The following ZBTB16 variants were observed in gnomAD, a reference collection of about 807,000 sequenced individuals.
ZBTB16 encodes zinc finger and BTB domain containing 16.
Under a neutral mutation model 56.8 loss-of-function variants are expected in ZBTB16, and 8 were observed. The ratio of observed to expected loss-of-function variants is 0.14; its 90% CI spans 0.08 to 0.25. ZBTB16 has a LOEUF of 0.25. Among genes scored for constraint, ZBTB16 ranks in the 10% least tolerant of loss-of-function variants. The pLI is 1.00. For synonymous variants in ZBTB16, 363 were observed against 368.5 expected (o/e 0.98, Z 0.17); for missense variants, 625 against 903.0 (o/e 0.69, Z 3.95).
intron 2 of ZBTB16, among the ~76,000 whole-genome samples, chr11:114,136,292 T>C (rs1941796089): frequency 6.6e-6 from 1 of 152,170 alleles, no homozygotes; most frequent in Non-Finnish European, 1.5e-5. Flanking sequence ...CCCCCACTGT[T>C]TGGGGGCTGA....
chr11:114,101,081 A>G (rs1940592928), intron 2 of ZBTB16, among the ~76,000 whole-genome samples: 1 of 152,046 alleles, frequency 6.6e-6, no homozygotes, highest in Non-Finnish European at 1.5e-5. Context: ...GCTCACTGCA[A>G]CCTTGCTTGC....
At chr11:114,161,192 A>G (rs1384804080) in intron 3 of ZBTB16, among the ~76,000 whole-genome samples, 8 of 152,116 alleles carry the variant, frequency 5.3e-5, no homozygotes, top group Admixed American at 5.2e-4. Flanking sequence ...AAGGTTTCCC[A>G]TTAGGTAGAT....
rs573950918 is a variant in ZBTB16 at position 114,135,602 on chromosome 11, C to T, written c.1269-20735C>T. On this transcript the variant is annotated intron_variant, in intron 2 of 6. Coordinates refer to ENST00000335953, the MANE Select transcript of ZBTB16 (RefSeq NM_006006.6). Reference sequence around the variant, plus strand: ...GTAGGGGGACAGTCTCTCCTTGACCCTCCAGAAGCCACAAAGCCCTGCCAG... The same window carrying T: ...GTAGGGGGACAGTCTCTCCTTGACCTTCCAGAAGCCACAAAGCCCTGCCAG... Among the ~76,000 whole-genome samples, 3 of 152,280 alleles carry T rather than the reference C, an allele frequency of 2.0e-5. No homozygotes were observed. The East Asian group carries it at 5.8e-4, about 29-fold the overall frequency.
intron 2 of ZBTB16, among the ~76,000 whole-genome samples, chr11:114,077,615 G>A (rs929045748): frequency 5.3e-5 from 8 of 152,158 alleles, no homozygotes; most frequent in South Asian, 2.1e-4. Flanking sequence ...AACGGCTGTT[G>A]CGCAGAGGAG....
At chr11:114,175,812 AT>A (rs1334853602) in intron 3 of ZBTB16, among the ~76,000 whole-genome samples, 6 of 152,000 alleles carry the variant, frequency 3.9e-5, no homozygotes, top group Non-Finnish European at 8.8e-5. Context: ...GAGGTATGTC[AT>A]TTGGCAGGAG....
intron 3 of ZBTB16, among the ~76,000 whole-genome samples, chr11:114,166,201 CGTGTGTGTGT>C (rs3057730): frequency 0.019 from 2,544 of 134,142 alleles, 39 homozygotes; most frequent in African/African-American, 0.043. Flanking sequence ...GACTGGTCTA[CGTGTGTGTGT>C]GTGTGTGTGT....
chr11:114,155,415 G>A (rs756548232), intron 2 of ZBTB16, among the ~76,000 whole-genome samples: 2 of 152,168 alleles, frequency 1.3e-5, no homozygotes, highest in Non-Finnish European at 2.9e-5. Flanking sequence ...ACCAGCTCCC[G>A]TGCTGGCTCG....
chr11:114,087,494 C>T (rs1303107864), intron 2 of ZBTB16, among the ~76,000 whole-genome samples: 1 of 152,206 alleles, frequency 6.6e-6, no homozygotes, highest in Admixed American at 6.5e-5. Context: ...CTGCCCTCTT[C>T]CCAGGCACCC....
At chr11:114,234,808 G>GCTTGCCTCTGCCTCTCTTTCTCT (rs1189321896) in intron 4 of ZBTB16, among the ~76,000 whole-genome samples, 2 of 152,210 alleles carry the variant, frequency 1.3e-5, no homozygotes, top group African/African-American at 4.8e-5. Flanking sequence ...GCCTGATGCT[G>GCTTGCCTCTGCCTCTCTTTCTCT]CTTGCCTCTG....
At position 114,064,557 on chromosome 11, in the gene ZBTB16, G is replaced by A; in HGVS notation, c.1257G>A (p.Val419=). 2 of 1,613,876 alleles carry A rather than the reference G, an allele frequency of 1.2e-6. No individual in the cohort carries two copies. The highest frequency in any genetic ancestry group is 1.7e-6 in the Non-Finnish European group (2 of 1,180,028). The change falls in exon 2 of 7, where the codon GTG becomes GTA. Residue 419 remains valine, a synonymous_variant. Coordinates refer to ENST00000335953, the MANE Select transcript of ZBTB16 (RefSeq NM_006006.6). The surrounding 1 kb of genome is among the most constrained non-coding windows in gnomAD (Gnocchi z 4.2). ...TCGAGCTTCCTGATAACGAGGCTGT[G>A]GAGCAGCACAGGTAGGCCCCGCTCC... is the stretch of plus-strand genomic sequence containing the variant. The part of the protein sequence containing the change: ...CGVELPDNEA[V]EQHRKLHSGM...
At position 114,064,359 on chromosome 11, in the gene ZBTB16, C is replaced by T. The variant is rs2137655395; in HGVS notation, c.1059C>T (p.Thr353=). 6.2e-7 allele frequency: 1 copy of T among 1,614,058 alleles called. No individual in the cohort carries two copies. The highest frequency in any genetic ancestry group is 1.3e-5 in the African/African-American group (1 of 75,058). The change falls in exon 2 of 7, where the codon ACC becomes ACT. Residue 353 remains threonine, a synonymous_variant. Coordinates refer to ENST00000335953, the MANE Select transcript of ZBTB16 (RefSeq NM_006006.6). The surrounding 1 kb of genome is among the most constrained non-coding windows in gnomAD (Gnocchi z 4.2). ...DAVLSMPSSV[T]SGLHVQPALA... is the part of the protein sequence containing the mutation. Reference sequence around the variant, plus strand: ...TATTGAGCATGCCGTCTTCCGTGACCTCTGGCCTCCACGTGCAGCCTGCCC... The same window carrying T: ...TATTGAGCATGCCGTCTTCCGTGACTTCTGGCCTCCACGTGCAGCCTGCCC...
intron 4 of ZBTB16, among the ~76,000 whole-genome samples, chr11:114,208,502 T>TAA (rs1349393300): frequency 2.6e-4 from 40 of 152,140 alleles, no homozygotes; most frequent in African/African-American, 8.7e-4. Context: ...CAGGGTAGGG[T>TAA]CTTTGCAAGC....
intron 3 of ZBTB16, among the ~76,000 whole-genome samples, chr11:114,162,888 T>C (rs1219953748): frequency 2.0e-5 from 3 of 152,122 alleles, no homozygotes; most frequent in African/African-American, 7.2e-5. Context: ...TCTCTCTCTC[T>C]CCCTACTCTG....
Position 114,252,692 on chromosome 11 carries a change from T to G in ZBTB16, c.*2137T>G, listed in dbSNP as rs1004488860. 6.6e-6 allele frequency among the ~76,000 whole-genome samples: 1 copy of G among 152,142 alleles called. No homozygotes were observed. The highest frequency in any genetic ancestry group is 6.5e-5 in the Admixed American group (1 of 15,274). ...TTGTGGCTGCGTTTTGATCTTAGGT[T>G]TTACAAAGTGGTTTAGGGAAGCGGT... is the stretch of plus-strand genomic sequence containing the variant. On this transcript the variant is annotated 3_prime_UTR_variant, in exon 7 of 7. Coordinates refer to ENST00000335953, the MANE Select transcript of ZBTB16 (RefSeq NM_006006.6).
At chr11:114,075,939 A>C (rs925450929) in intron 2 of ZBTB16, among the ~76,000 whole-genome samples, 1 of 152,278 alleles carries the variant, frequency 6.6e-6, no homozygotes, top group East Asian at 1.9e-4. Flanking sequence ...TGATTTTTGC[A>C]GAGAACAGCA....
chr11:114,228,130 C>T (rs569437577), intron 4 of ZBTB16, among the ~76,000 whole-genome samples: 1 of 152,236 alleles, frequency 6.6e-6, no homozygotes, highest in East Asian at 1.9e-4. Flanking sequence ...TCTCTAAATG[C>T]AGAAAGTAAA....
intron 3 of ZBTB16, among the ~76,000 whole-genome samples, chr11:114,177,172 A>C (rs1943137359): frequency 1.3e-5 from 2 of 152,186 alleles, no homozygotes; most frequent in Admixed American, 1.3e-4. Flanking sequence ...TTTCTTGTTT[A>C]AGCTATCATA....
chr11:114,249,468 A>G (rs1199075506), intron 6 of ZBTB16, among the ~76,000 whole-genome samples: 1 of 146,192 alleles, frequency 6.8e-6, no homozygotes, highest in Non-Finnish European at 1.5e-5. Flanking sequence ...AAAAAAAAAA[A>G]AAAAAAAAAA....
intron 4 of ZBTB16, among the ~76,000 whole-genome samples, chr11:114,224,938 G>T (rs538943498): frequency 6.6e-6 from 1 of 152,282 alleles, no homozygotes; most frequent in African/African-American, 2.4e-5. Context: ...ATAGAAGCAG[G>T]AGTGGGATTA....
Sources: gnomAD v4.1 joint callset for allele counts (sites outside exome capture counted in the v4.1 genomes callset) on GRCh38, gnomAD v4.1.1 for gene constraint, Gnocchi (gnomAD v3.1) non-coding constraint, MANE v1.5 for transcripts, NCBI Gene and HGNC (gene_info 2026-07-23, HGNC 2026-07-21) for gene names.